The following DNTT variants were observed in gnomAD, a reference collection of about 807,000 sequenced individuals.
DNTT encodes the protein DNA nucleotidylexotransferase.
DNTT carries 47 observed loss-of-function variants against 60.9 expected under a neutral mutation model. The ratio of observed to expected loss-of-function variants is 0.77; its 90% CI spans 0.61 to 0.98. DNTT has a LOEUF of 0.98. Ranked by LOEUF, DNTT falls within the 50% of genes least tolerant of loss-of-function variation. DNTT has a pLI of 0.00. For synonymous variants in DNTT, 224 were observed against 221.2 expected (o/e 1.01, Z -0.11); for missense variants, 665 against 627.5 (o/e 1.06, Z -0.64).
intron 4 of DNTT, among the ~76,000 whole-genome samples, chr10:96,322,039 C>T (rs750157079): frequency 1.3e-5 from 2 of 151,798 alleles, no homozygotes; most frequent in Non-Finnish European, 2.9e-5. Context: ...AGCAGTGGTG[C>T]GTTTGACATG....
In DNTT at chr10:96,327,467, G is replaced by A. The variant is rs1034773254; in HGVS notation, c.875-1G>A. The A allele has an allele frequency of 6.2e-7, 1 of 1,614,058 alleles. No individual in the cohort carries two copies. The highest frequency in any genetic ancestry group is 8.5e-7 in the Non-Finnish European group (1 of 1,179,940). On this transcript the variant is annotated splice_acceptor_variant, in intron 6 of 10. Coordinates refer to ENST00000371174, the MANE Select transcript of DNTT (RefSeq NM_004088.4). LOFTEE classifies it high-confidence loss of function. ...CATTGACCTGTCAAATGGCCTCTCA[G>A]GATTTCTGTATTATGAAGACCTTGT...
At chr10:96,338,017 A>C in intron 10 of DNTT, 121 bp from the exon 11 acceptor site, 1 of 723,364 alleles carries the variant, frequency 1.4e-6, no homozygotes, top group Non-Finnish European at 2.2e-6. Context: ...GAAGCAGGGA[A>C]TTATGTTTGG....
intron 8 of DNTT, among the ~76,000 whole-genome samples, chr10:96,329,977 C>T (rs954117859): frequency 2.0e-5 from 3 of 152,182 alleles, no homozygotes; most frequent in Non-Finnish European, 2.9e-5. Context: ...ATGCCTCCTC[C>T]TAGTCAGGAG....
chr10:96,322,792 C>A, intron 5 of DNTT, 64 bp downstream of exon 5: 4 of 1,364,574 alleles, frequency 2.9e-6, no homozygotes, highest in South Asian at 1.4e-5. Context: ...CTTATTCTGG[C>A]TGGTTGTATT....
At chr10:96,310,787 T>C (rs1844706306) in intron 1 of DNTT, among the ~76,000 whole-genome samples, 1 of 152,228 alleles carries the variant, frequency 6.6e-6, no homozygotes, top group South Asian at 2.1e-4. Context: ...ATCTGGTGAA[T>C]ATAAAACCAG....
intron 3 of DNTT, among the ~76,000 whole-genome samples, chr10:96,320,035 T>G (rs1457619657): frequency 2.0e-5 from 3 of 152,244 alleles, no homozygotes; most frequent in Non-Finnish European, 4.4e-5. Context: ...TTCTCATTTC[T>G]AGACTTCCAG....
chr10:96,330,316 CTT>C (rs34863236), intron 8 of DNTT, among the ~76,000 whole-genome samples: 111,399 of 140,370 alleles, frequency 0.79, 44,655 homozygotes, highest in Middle Eastern at 0.86. Context: ...GCTTTGTGGG[CTT>C]TTTTTTTTTT....
intron 6 of DNTT, among the ~76,000 whole-genome samples, chr10:96,326,947 A>G (rs1844944378): frequency 6.6e-6 from 1 of 152,200 alleles, no homozygotes; most frequent in African/African-American, 2.4e-5. Context: ...TCATCATAAC[A>G]ACTCTGAACT....
Position 96,319,298 on chromosome 10 carries a change from C to A in DNTT, c.415C>A (p.Pro139Thr). ...RDYSDSTNPG[P>T]PKTPPIAVQK... ...CTATTCAGATAGCACCAACCCAGGCCCCCCGAAGACTCCACCAATTGCTGT... is the reference window on the plus strand; with the variant it reads ...CTATTCAGATAGCACCAACCCAGGCACCCCGAAGACTCCACCAATTGCTGT... Residue 139 changes from proline (P) to threonine (T), a missense_variant, in exon 3 of 11, where the codon CCC (proline) becomes ACC (threonine). Coordinates refer to ENST00000371174, the MANE Select transcript of DNTT (RefSeq NM_004088.4). The A allele has an allele frequency of 6.2e-7, 1 of 1,613,700 alleles. No homozygotes were observed. Among genetic ancestry groups the A allele is most frequent in the Non-Finnish European group, 8.5e-7 (1 of 1,179,760 alleles).
chr10:96,334,828 G>A (rs1245319555), intron 9 of DNTT, among the ~76,000 whole-genome samples: 1 of 152,228 alleles, frequency 6.6e-6, no homozygotes, highest in African/African-American at 2.4e-5. Flanking sequence ...GCAATGTCAT[G>A]CCAGTTAAGC....
chr10:96,322,564 G>A (rs1015723036), intron 4 of DNTT, 93 bp from the exon 5 acceptor site: 27 of 1,006,174 alleles, frequency 2.7e-5, no homozygotes, highest in African/African-American at 4.9e-5. Flanking sequence ...CACATTTCAT[G>A]AGAAACCAAA....
intron 1 of DNTT, among the ~76,000 whole-genome samples, chr10:96,308,054 G>A (rs368964337): frequency 1.3e-5 from 2 of 151,972 alleles, no homozygotes; most frequent in East Asian, 3.9e-4. Flanking sequence ...CAATAAGCAT[G>A]TACTTTAAAA....
intron 6 of DNTT, among the ~76,000 whole-genome samples, chr10:96,325,897 C>A (rs1844933720): frequency 6.6e-6 from 1 of 152,178 alleles, no homozygotes; most frequent in Non-Finnish European, 1.5e-5. Flanking sequence ...GATTGCAGTT[C>A]CCTGAGGCTT....
chr10:96,332,116 T>G (rs1845012671), intron 8 of DNTT, among the ~76,000 whole-genome samples: 1 of 152,238 alleles, frequency 6.6e-6, no homozygotes, highest in African/African-American at 2.4e-5. Flanking sequence ...AGTTTTGCCA[T>G]TAAGTGGCTT....
intron 9 of DNTT, 56 bp downstream of exon 9, chr10:96,332,652 A>C: frequency 6.3e-7 from 1 of 1,588,100 alleles, no homozygotes; most frequent in Non-Finnish European, 8.6e-7. Flanking sequence ...ACGTAGGCCG[A>C]GTCTACCTGG....
At chr10:96,331,361 A>G (rs1011455221) in intron 8 of DNTT, among the ~76,000 whole-genome samples, 1 of 152,226 alleles carries the variant, frequency 6.6e-6, no homozygotes, top group African/African-American at 2.4e-5. Flanking sequence ...TATAAAGAAA[A>G]GACGTTTACT....
At chr10:96,326,567 A>G (rs1844941179) in intron 6 of DNTT, among the ~76,000 whole-genome samples, 1 of 152,200 alleles carries the variant, frequency 6.6e-6, no homozygotes, top group African/African-American at 2.4e-5. Context: ...AAGGACCAAT[A>G]GATTTACTCT....
At chr10:96,326,803 A>G (rs1445956419) in intron 6 of DNTT, among the ~76,000 whole-genome samples, 2 of 152,184 alleles carry the variant, frequency 1.3e-5, no homozygotes, top group South Asian at 2.1e-4. Context: ...CTCAGGCTCT[A>G]TGGATCTAAT....
intron 10 of DNTT, 84 bp downstream of exon 10, chr10:96,336,058 T>C: frequency 7.6e-7 from 1 of 1,312,460 alleles, no homozygotes; most frequent in Non-Finnish European, 1.1e-6. Context: ...CTGATTTTAG[T>C]ATCCAGGTAT....
Sources: allele counts gnomAD v4.1 joint callset (sites outside exome capture counted in the v4.1 genomes callset), GRCh38; gene constraint gnomAD v4.1.1; transcripts MANE v1.5; gene names NCBI Gene and HGNC (gene_info 2026-07-23, HGNC 2026-07-21).